Variants in UBE2O observed in about 807,000 individuals in gnomAD.
UBE2O encodes (E3-independent) E2 ubiquitin-conjugating enzyme.
A neutral mutation model predicts 125.8 loss-of-function variants in UBE2O; 15 were observed. The ratio of observed to expected loss-of-function variants is 0.12; its 90% CI spans 0.08 to 0.18. The LOEUF (loss-of-function observed/expected upper bound fraction) is 0.18. Ranked by LOEUF, UBE2O falls within the 10% of genes least tolerant of loss-of-function variation. UBE2O has a pLI of 1.00. For missense variants in UBE2O, 1,280 were observed against 1,723.6 expected (o/e 0.74, Z 4.56); for synonymous variants, 708 against 703.2 (o/e 1.01, Z -0.11).
intron 1 of UBE2O, among the ~76,000 whole-genome samples, chr17:76,438,859 C>T (rs529723558): frequency 1.1e-4 from 16 of 152,248 alleles, no homozygotes; most frequent in Admixed American, 1.3e-4. Flanking sequence ...TAGCACTCCA[C>T]GCCATGCATG....
intron 1 of UBE2O, among the ~76,000 whole-genome samples, chr17:76,407,758 A>G (rs2072449553): frequency 6.6e-6 from 1 of 152,266 alleles, no homozygotes; most frequent in South Asian, 2.1e-4. Context: ...CTGGCAGGGC[A>G]GGCAGTGCCC....
In UBE2O at chr17:76,400,036, T is replaced by A; in HGVS notation, c.1155+111A>T. The A allele has an allele frequency of 6.6e-7, 1 of 1,521,850 alleles. No homozygotes were observed. Among genetic ancestry groups the A allele is most frequent in the Non-Finnish European group, 8.9e-7 (1 of 1,126,326 alleles). The allele number at this position is 1,521,850 out of a possible 1,614,324, so 94.3% of individuals were successfully genotyped here. ...TATACACCTGAGTAGCCGGCAAGGGTCATCAGGGCTGCCCCCCAAGGCCTA... is the reference window on the plus strand; with the variant it reads ...TATACACCTGAGTAGCCGGCAAGGGACATCAGGGCTGCCCCCCAAGGCCTA... On this transcript the variant is annotated intron_variant, in intron 8 of 17. Transcript: ENST00000319380. This position sits in a 1 kb window ranked among gnomAD's most constrained non-coding sequence, Gnocchi z 4.3.
At chr17:76,406,519 G>C (rs560129128) in intron 1 of UBE2O, among the ~76,000 whole-genome samples, 1 of 151,434 alleles carries the variant, frequency 6.6e-6, no homozygotes, top group East Asian at 1.9e-4. Context: ...GAACTGAGTC[G>C]CCGAAAAAGG....
intron 1 of UBE2O, among the ~76,000 whole-genome samples, chr17:76,408,034 A>C (rs2072453410): frequency 6.6e-6 from 1 of 152,192 alleles, no homozygotes; most frequent in Admixed American, 6.5e-5. Context: ...ACTTAGGATG[A>C]CTTGGGAGGC....
chr17:76,419,750 G>A (rs573762747), intron 1 of UBE2O, among the ~76,000 whole-genome samples: 55 of 152,328 alleles, frequency 3.6e-4, no homozygotes, highest in African/African-American at 1.2e-3. Context: ...ACATGGTTTC[G>A]CCACCTTGAA....
At position 76,402,086 on chromosome 17, in the gene UBE2O, A is replaced by C. The variant is rs1461291803; in HGVS notation, c.728T>G (p.Val243Gly). The change falls in exon 5 of 18, where the codon GTC (valine) becomes GGC (glycine). Residue 243 changes from valine to glycine, a missense_variant. This residue lies in a region of UBE2O where 206 missense variants were observed against 315.7 expected (regional missense o/e 0.65). Transcript: ENST00000319380. The surrounding 1 kb of genome is among the most constrained non-coding windows in gnomAD (Gnocchi z 5.4). ...NTEDGAKLYD[V>G]CPHVSDSGLF... ...TACCGAGTCGCTGACGTGCGGGCAG[A>C]CGTCGTAGAGCTTGGCGCCATCTTC... The C allele has an allele frequency of 6.2e-7, 1 of 1,613,696 alleles. No homozygotes were observed. The highest frequency in any genetic ancestry group is 8.5e-7 in the Non-Finnish European group (1 of 1,180,006).
At chr17:76,430,987 C>T (rs1051647207) in intron 1 of UBE2O, 1 of 232,386 alleles carries the variant, frequency 4.3e-6, no homozygotes, top group Non-Finnish European at 8.7e-6. Context: ...GCATAAGTTT[C>T]CTCCCTGCCT....
Position 76,391,747 on chromosome 17 carries a change from C to A in UBE2O, c.3208+9G>T, listed in dbSNP as rs1253409032. ...CCTTGTCCGCACCCCCGCTTCAGCC[C>A]AACTGTACCTTGGATGGAGATGAGC... On this transcript the variant is annotated intron_variant, in intron 17 of 17. Transcript: ENST00000319380. The surrounding 1 kb of genome is among the most constrained non-coding windows in gnomAD (Gnocchi z 8.4). The A allele has an allele frequency of 6.2e-7, 1 of 1,614,082 alleles. No individual in the cohort carries two copies. The highest frequency in any genetic ancestry group is 1.1e-5 in the South Asian group (1 of 91,052).
At chr17:76,436,981 AAAC>A (rs894039842) in intron 1 of UBE2O, among the ~76,000 whole-genome samples, 2 of 152,062 alleles carry the variant, frequency 1.3e-5, no homozygotes, top group South Asian at 4.1e-4. Context: ...AATGCAAAAC[AAAC>A]AACAACAACA....
intron 1 of UBE2O, among the ~76,000 whole-genome samples, chr17:76,409,192 TCTC>T (rs1196351867): frequency 6.6e-6 from 1 of 152,068 alleles, no homozygotes; most frequent in Non-Finnish European, 1.5e-5. Flanking sequence ...ATGCTCTCGA[TCTC>T]CTAACCTCGT....
In UBE2O at chr17:76,398,251, G is replaced by T; in HGVS notation, c.2025+4C>A. 1 of 1,614,128 alleles carries T rather than the reference G, an allele frequency of 6.2e-7. No individual in the cohort carries two copies. ...CCATCCAGAACTTGAATTTGAAGGC[G>T]TACCTCATCCTCCTTGTGAGGAGCC... On this transcript the variant is annotated splice_donor_region_variant and intron_variant, in intron 12 of 17. Coordinates refer to ENST00000319380, the MANE Select transcript of UBE2O (RefSeq NM_022066.4). The surrounding 1 kb of genome is among the most constrained non-coding windows in gnomAD (Gnocchi z 5.4).
Position 76,391,279 on chromosome 17 carries a change from G to C in UBE2O, c.3543C>G (p.Gly1181=), listed in dbSNP as rs952512146. 5 of 1,612,804 alleles carry C rather than the reference G, an allele frequency of 3.1e-6. No homozygotes were observed. Among genetic ancestry groups the C allele is most frequent in the African/African-American group, 2.7e-5 (2 of 75,056 alleles). The change falls in exon 18 of 18, where the codon GGC becomes GGG. Residue 1181 remains glycine (G), a synonymous_variant. Transcript: ENST00000319380. The surrounding 1 kb of genome is among the most constrained non-coding windows in gnomAD (Gnocchi z 8.4). ...GCCCTCCATCCTCAGGTTCTTGTTG[G>C]CCGGAGTCTGACAGCTCGGCTACAG... ...PPAVAELSDS[G]QQEPEDGGPA... is the part of the protein sequence containing the mutation.
intron 1 of UBE2O, among the ~76,000 whole-genome samples, chr17:76,422,662 A>G (rs1196534833): frequency 2.0e-5 from 3 of 152,182 alleles, no homozygotes; most frequent in Admixed American, 2.0e-4. Context: ...TCCCCCAGAT[A>G]GCTGCACCCA....
chr17:76,450,970 A>T (rs2073230673), intron 1 of UBE2O, among the ~76,000 whole-genome samples: 1 of 152,224 alleles, frequency 6.6e-6, no homozygotes, highest in Non-Finnish European at 1.5e-5. Context: ...AACTCTGTAT[A>T]ATTACACATA....
intron 1 of UBE2O, among the ~76,000 whole-genome samples, chr17:76,424,397 C>T (rs1263016351): frequency 6.6e-6 from 1 of 150,670 alleles, no homozygotes; most frequent in Non-Finnish European, 1.5e-5. Flanking sequence ...TTTGTAGAGA[C>T]AGGGTTTCAC....
At chr17:76,412,826 G>A (rs1024184594) in intron 1 of UBE2O, among the ~76,000 whole-genome samples, 3 of 152,160 alleles carry the variant, frequency 2.0e-5, no homozygotes, top group Admixed American at 6.6e-5. Context: ...TGGCCAACAC[G>A]GTGAAACCCC....
chr17:76,398,274 G>A lies in UBE2O; in HGVS notation c.2006C>T (p.Ala669Val). The change falls in exon 12 of 18, where the codon GCT becomes GTT. Residue 669 changes from alanine to valine, a missense_variant. This residue lies in a region of UBE2O where 210 missense variants were observed against 268.9 expected (regional missense o/e 0.78). Coordinates refer to ENST00000319380, the MANE Select transcript of UBE2O (RefSeq NM_022066.4). This position sits in a 1 kb window ranked among gnomAD's most constrained non-coding sequence, Gnocchi z 5.4. Reference protein sequence around the residue: ...VIRIGNTEDGAPHKEDEPSVG... With the variant: ...VIRIGNTEDGVPHKEDEPSVG... ...GCGTACCTCATCCTCCTTGTGAGGA[G>A]CCCCATCCTCAGTATTGCCGATGCG... The A allele has an allele frequency of 1.9e-6, 3 of 1,614,198 alleles. No individual in the cohort carries two copies. The highest frequency in any genetic ancestry group is 2.5e-6 in the Non-Finnish European group (3 of 1,180,020).
rs957492588 is a variant in UBE2O at position 76,396,926 on chromosome 17, G to A, written c.2116-105C>T. The A allele has an allele frequency of 3.0e-6, 3 of 1,008,514 alleles. No individual in the cohort carries two copies. Among genetic ancestry groups the A allele is most frequent in the African/African-American group, 3.3e-5 (2 of 61,310 alleles). The allele number at this position is 1,008,514 out of a possible 1,614,324, so 62.5% of individuals were successfully genotyped here. On this transcript the variant is annotated intron_variant, in intron 13 of 17. Transcript: ENST00000319380. The surrounding 1 kb of genome is among the most constrained non-coding windows in gnomAD (Gnocchi z 6.7). ...TGATCCGCACAGCTGATGGCGACTG[G>A]GCTCATGAGGCCTTGGCAACCTCAT...
intron 1 of UBE2O, among the ~76,000 whole-genome samples, chr17:76,446,844 A>G (rs917384403): frequency 3.3e-5 from 5 of 152,256 alleles, no homozygotes; most frequent in African/African-American, 1.2e-4. Context: ...ATCAGACTAC[A>G]GAGGTTGCTT....
Sources: gnomAD v4.1 joint callset for allele counts (sites outside exome capture counted in the v4.1 genomes callset) on GRCh38, gnomAD v4.1.1 for gene constraint, gnomAD v4.1.1 regional missense constraint, Gnocchi (gnomAD v3.1) non-coding constraint, MANE v1.5 for transcripts, NCBI Gene and HGNC (gene_info 2026-07-23, HGNC 2026-07-21) for gene names.